MRC1: variants seen among roughly 807,000 people sequenced by gnomAD.
The protein encoded by MRC1 is mannose receptor C-type 1.
MRC1 carries 62 observed loss-of-function variants against 102.9 expected under a neutral mutation model. That is an observed-to-expected ratio of 0.60 (90% CI 0.49 to 0.74). MRC1 has a LOEUF of 0.74. Ranked by LOEUF, MRC1 falls within the 30% of genes least tolerant of loss-of-function variation. The pLI is 0.00. For missense variants in MRC1, 1,237 were observed against 862.8 expected, an observed-to-expected ratio of 1.43 and a Z score of -5.43; for synonymous variants, 457 against 298.4, an observed-to-expected ratio of 1.53 and a Z score of -5.48.
intron 23 of MRC1, 118 bp downstream of exon 23, chr10:17,894,430 C>G (rs1434191616): frequency 9.5e-6 from 6 of 629,594 alleles, no homozygotes; most frequent in Non-Finnish European, 1.6e-5. Context: ...GGCAGAGTCT[C>G]GCTCTGTCGC....
At position 17,881,200 on chromosome 10, in the gene MRC1, A is replaced by C; in HGVS notation, c.2980+19A>C. 1 of 779,084 alleles carries C rather than the reference A, an allele frequency of 1.3e-6. No individual in the cohort carries two copies. Among genetic ancestry groups the C allele is most frequent in the Non-Finnish European group, 2.4e-6 (1 of 417,534 alleles). 48.3% of individuals were successfully genotyped at this position (779,084 alleles called of 1,614,324 possible). A position where few individuals can be genotyped will look rare whatever the true frequency, so the allele number is the denominator to read the frequency against. On this transcript the variant is annotated intron_variant, in intron 21 of 29. Coordinates refer to ENST00000569591, the MANE Select transcript of MRC1 (RefSeq NM_002438.4). Reference sequence around the variant, plus strand: ...GAGCAAGGTAGGCAGGCCATTTTGCAATTAGTTGTGTGTTTAAATATGGAA... The same window carrying C: ...GAGCAAGGTAGGCAGGCCATTTTGCCATTAGTTGTGTGTTTAAATATGGAA...
rs1833813741 is a variant in MRC1, at chr10:17,900,419, A to T, written c.3484-369A>T. ...TAATGAAAATTACTTAATTTTTATT[A>T]TAATTTCAATAATAATATAAGAAAT... is the stretch of plus-strand genomic sequence containing the variant. On this transcript the variant is annotated intron_variant, in intron 24 of 29. Coordinates refer to ENST00000569591, the MANE Select transcript of MRC1 (RefSeq NM_002438.4). Among the ~76,000 whole-genome samples, 9 of 152,228 alleles carry T rather than the reference A, an allele frequency of 5.9e-5. No individual in the cohort carries two copies. In the South Asian group the frequency reaches 1.9e-3, roughly 32 times the overall value.
chr10:17,830,283 C>T (rs1028134270), intron 3 of MRC1, among the ~76,000 whole-genome samples: 4 of 151,320 alleles, frequency 2.6e-5, no homozygotes, highest in African/African-American at 9.8e-5. Context: ...AGGCACCCAC[C>T]ATCACGCCTG....
chr10:17,823,685 T>C (rs1329547843), intron 2 of MRC1, among the ~76,000 whole-genome samples: 2 of 152,242 alleles, frequency 1.3e-5, no homozygotes, highest in African/African-American at 4.8e-5. Context: ...ATACTTCAGC[T>C]ATTTTTACTT....
At chr10:17,839,367 C>A (rs1838716454) in intron 4 of MRC1, among the ~76,000 whole-genome samples, 1 of 151,964 alleles carries the variant, frequency 6.6e-6, no homozygotes, top group Non-Finnish European at 1.5e-5. Context: ...TTTTTAAAAT[C>A]CCTGAGTAAA....
intron 25 of MRC1, among the ~76,000 whole-genome samples, chr10:17,901,603 C>G (rs2130718522): frequency 6.6e-6 from 1 of 152,020 alleles, no homozygotes; most frequent in East Asian, 1.9e-4. Context: ...GCAGGAGAAT[C>G]ACTTGAATCC....
intron 1 of MRC1, among the ~76,000 whole-genome samples, chr10:17,820,975 C>T (rs921495450): frequency 6.6e-5 from 10 of 152,194 alleles, no homozygotes; most frequent in South Asian, 4.2e-4. Context: ...CACTAGGGCA[C>T]GAGCAGTTAC....
intron 9 of MRC1, among the ~76,000 whole-genome samples, chr10:17,860,903 T>G (rs1833175303): frequency 6.6e-6 from 1 of 152,272 alleles, no homozygotes; most frequent in Non-Finnish European, 1.5e-5. Context: ...CTACTGTTTC[T>G]TTTATTCGTT....
chr10:17,834,656 C>T (rs1838635431), intron 4 of MRC1, among the ~76,000 whole-genome samples: 1 of 152,144 alleles, frequency 6.6e-6, no homozygotes, highest in African/African-American at 2.4e-5. Context: ...TCAGGTGATC[C>T]ACCTGCCTTG....
At chr10:17,825,410 G>A (rs1838458519) in intron 2 of MRC1, among the ~76,000 whole-genome samples, 1 of 152,058 alleles carries the variant, frequency 6.6e-6, no homozygotes, top group South Asian at 2.1e-4. Flanking sequence ...ATCAGTGTTG[G>A]GTGTATAGAA....
At chr10:17,824,055 G>A (rs1216236869) in intron 2 of MRC1, among the ~76,000 whole-genome samples, 2 of 152,266 alleles carry the variant, frequency 1.3e-5, no homozygotes, top group Admixed American at 6.5e-5. Flanking sequence ...TTAATATGCA[G>A]TCTATTTAGT....
chr10:17,814,206 A>G (rs2130572644), intron 1 of MRC1, among the ~76,000 whole-genome samples: 1 of 152,302 alleles, frequency 6.6e-6, no homozygotes, highest in East Asian at 1.9e-4. Flanking sequence ...GACCAGAGCT[A>G]ACTCTTCATT....
At chr10:17,894,404 T>TC in intron 23 of MRC1, 92 bp downstream of exon 23, 21 of 688,344 alleles carry the variant, frequency 3.1e-5, no homozygotes, top group Non-Finnish European at 3.0e-5. Context: ...CTTTTTTTTT[T>TC]TTTTTTTTTT....
At chr10:17,909,955 T>C (rs1833946995) in intron 29 of MRC1, among the ~76,000 whole-genome samples, 1 of 152,230 alleles carries the variant, frequency 6.6e-6, no homozygotes, top group African/African-American at 2.4e-5. Context: ...AAATAAGGTA[T>C]ATATATTTTA....
chr10:17,821,768 C>T (rs1194135774), intron 1 of MRC1, among the ~76,000 whole-genome samples: 6 of 152,048 alleles, frequency 3.9e-5, no homozygotes, highest in Admixed American at 6.6e-5. Context: ...CACTGAAGGA[C>T]GCTACTAGTG....
chr10:17,882,727 C>G (rs1020222898), intron 21 of MRC1, among the ~76,000 whole-genome samples: 7 of 151,928 alleles, frequency 4.6e-5, no homozygotes, highest in South Asian at 2.1e-4. Context: ...ACAAGTTGAG[C>G]AATTTGTCAG....
intron 8 of MRC1, 30 bp downstream of exon 8, chr10:17,853,154 A>G (rs1838942096): frequency 3.8e-6 from 3 of 779,662 alleles, no homozygotes; most frequent in Non-Finnish European, 7.2e-6. Context: ...TGATATTTAT[A>G]ATGAAAGTCA....
At position 17,863,675 on chromosome 10, in the gene MRC1, T is replaced by C. The variant is rs1324475104; in HGVS notation, c.1776T>C (p.Asp592=). 5 of 780,740 alleles carry C rather than the reference T, an allele frequency of 6.4e-6. No homozygotes were observed. The highest frequency in any genetic ancestry group is 1.2e-5 in the Non-Finnish European group (5 of 417,976). 48.4% of individuals were successfully genotyped at this position (780,740 alleles called of 1,614,324 possible). A position where few individuals can be genotyped will look rare whatever the true frequency, so the allele number is the denominator to read the frequency against. Residue 592 remains aspartate (D), a synonymous_variant, in exon 11 of 30, where the codon GAT becomes GAC. Transcript: ENST00000569591. ...EEVRFTHWNS[D]MPGRKPGCVA... ...TTCGGTTCACCCACTGGAATTCAGA[T>C]ATGCCAGGTACGGGCAGCGCTTAGG...
chr10:17,861,144 T>C (rs1833178645), intron 9 of MRC1, among the ~76,000 whole-genome samples: 1 of 152,168 alleles, frequency 6.6e-6, no homozygotes, highest in East Asian at 1.9e-4. Context: ...ACCCCATCTC[T>C]ACTAAAAAGA....
Sources: allele counts gnomAD v4.1 joint callset (sites outside exome capture counted in the v4.1 genomes callset), GRCh38; gene constraint gnomAD v4.1.1; transcripts MANE v1.5; gene names NCBI Gene and HGNC (gene_info 2026-07-23, HGNC 2026-07-21).